The following PRUNE2 variants were observed in gnomAD, a reference collection of about 807,000 sequenced individuals.
PRUNE2 encodes protein prune homolog 2.
A neutral mutation model predicts 252.0 loss-of-function variants in PRUNE2; 164 were observed. The ratio of observed to expected loss-of-function variants is 0.65; its 90% CI spans 0.57 to 0.74. PRUNE2 has a LOEUF of 0.74. PRUNE2 is among the 30% of genes least tolerant of loss of function. The pLI is 0.00. For synonymous variants in PRUNE2, 1,292 were observed against 1,350.2 expected (o/e 0.96, Z 0.94); for missense variants, 3,495 against 3,711.0 (o/e 0.94, Z 1.51).
rs751464971 is a variant in PRUNE2 at position 76,613,486 on chromosome 9, T to C, written c.*1084A>G. On this transcript the variant is annotated 3_prime_UTR_variant, in exon 19 of 19. Transcript: ENST00000376718. ...TGTGTCATGAAATATTCAAAAAAAA[T>C]TTTTCCAACCCAAAATGTAAAAACC... 9 of 152,116 alleles carry C rather than the reference T, an allele frequency of 5.9e-5. No individual in the cohort carries two copies. The highest frequency in any genetic ancestry group is 1.2e-4 in the Non-Finnish European group (8 of 68,034). 9.4% of individuals were successfully genotyped at this position (152,116 alleles called of 1,614,324 possible).
chr9:76,680,596 A>G (rs2043316122), intron 9 of PRUNE2, among the ~76,000 whole-genome samples: 2 of 152,248 alleles, frequency 1.3e-5, no homozygotes, highest in South Asian at 4.1e-4. Context: ...GCACAACCAC[A>G]TTCATAGCAG....
Position 76,705,103 on chromosome 9 carries a change from G to A in PRUNE2, c.7171C>T (p.Pro2391Ser). 6.2e-7 allele frequency: 1 copy of A among 1,614,012 alleles called. No homozygotes were observed. The highest frequency in any genetic ancestry group is 8.5e-7 in the Non-Finnish European group (1 of 1,179,898). ...EEDSLKQSLA[P>S]YTPPFDLSYL... ...GACAAATCAAAGGGAGGTGTGTACG[G>A]TGCCAGCGACTGCTTCAGAGAATCT... The change falls in exon 8 of 19, where the codon CCG becomes TCG. Residue 2391 changes from proline (P) to serine (S), a missense_variant. Pro to Ser is a moderately conservative substitution (Grantham distance 74, BLOSUM62 -1). Transcript: ENST00000376718.
chr9:76,645,969 C>A (rs1379516975), intron 11 of PRUNE2, among the ~76,000 whole-genome samples: 1 of 152,180 alleles, frequency 6.6e-6, no homozygotes, highest in African/African-American at 2.4e-5. Context: ...TATTATTATA[C>A]CATTGGCATT....
intron 6 of PRUNE2, among the ~76,000 whole-genome samples, chr9:76,815,339 A>T (rs528854104): frequency 6.6e-6 from 1 of 152,244 alleles, no homozygotes; most frequent in Admixed American, 6.5e-5. Flanking sequence ...TGGGTAATGT[A>T]TAAGTAATAG....
chr9:76,813,183 G>C (rs1311677475), intron 6 of PRUNE2, among the ~76,000 whole-genome samples: 1 of 152,162 alleles, frequency 6.6e-6, no homozygotes, highest in Non-Finnish European at 1.5e-5. Flanking sequence ...CTACAAATCA[G>C]AGCTTGTTTT....
chr9:76,760,943 G>A (rs373978153), intron 6 of PRUNE2, among the ~76,000 whole-genome samples: 5 of 151,912 alleles, frequency 3.3e-5, no homozygotes, highest in Non-Finnish European at 5.9e-5. Flanking sequence ...AAAATTAGCC[G>A]GGTGCGGTGG....
chr9:76,843,103 A>T (rs1437429480), intron 4 of PRUNE2, among the ~76,000 whole-genome samples: 1 of 152,238 alleles, frequency 6.6e-6, no homozygotes, highest in Non-Finnish European at 1.5e-5. Flanking sequence ...GGATAAAGAA[A>T]ATGTGGCACA....
chr9:76,617,005 T>A (rs188100892), intron 18 of PRUNE2, among the ~76,000 whole-genome samples: 2 of 151,248 alleles, frequency 1.3e-5, no homozygotes, highest in East Asian at 3.9e-4. Flanking sequence ...AATAAAAGTA[T>A]CCTTTTTGGA....
At chr9:76,671,035 G>A (rs1460426086) in intron 9 of PRUNE2, among the ~76,000 whole-genome samples, 3 of 152,214 alleles carry the variant, frequency 2.0e-5, no homozygotes, top group Non-Finnish European at 2.9e-5. Flanking sequence ...CACCTGCAAC[G>A]GAATAAAGCT....
intron 1 of PRUNE2, among the ~76,000 whole-genome samples, chr9:76,903,165 C>A (rs926569973): frequency 7.2e-5 from 11 of 152,174 alleles, no homozygotes; most frequent in African/African-American, 2.7e-4. Context: ...AAAAGACACA[C>A]AATTTTTCCA....
At position 76,666,244 on chromosome 9, in the gene PRUNE2, G is replaced by A. The variant is rs549419351; in HGVS notation, c.8277-10742C>T. 3.8e-4 allele frequency among the ~76,000 whole-genome samples: 58 copies of A among 152,232 alleles called. 1 individual carries two copies. Among genetic ancestry groups the A allele is most frequent in the Admixed American group, 2.7e-3 (42 of 15,282 alleles). ...GTGTCAGTGCCAAGGGAAAACACCC[G>A]CTACTTAGCAGACCTGGAAAGGGAG... On this transcript the variant is annotated intron_variant, in intron 9 of 18. Coordinates refer to ENST00000376718, the MANE Select transcript of PRUNE2 (RefSeq NM_015225.3).
chr9:76,711,046 T>C lies in PRUNE2; in HGVS notation c.1228A>G (p.Asn410Asp), dbSNP rs764770803. ...VNFIENPPDL[N>D]DSNQAQVDAN... ...TCCACCTGAGCCTGGTTAGAATCAT[T>C]GAGATCTGGAGGGTTCTCTATGAAA... The change falls in exon 8 of 19, where the codon AAT (asparagine) becomes GAT (aspartate). Residue 410 changes from asparagine to aspartate, a missense_variant. Asn to Asp is a conservative substitution (Grantham distance 23). Transcript: ENST00000376718. The C allele has an allele frequency of 6.2e-7, 1 of 1,613,812 alleles. No homozygotes were observed.
At chr9:76,905,537 G>A (rs2063437429) in intron 1 of PRUNE2, among the ~76,000 whole-genome samples, 1 of 152,132 alleles carries the variant, frequency 6.6e-6, no homozygotes, top group Non-Finnish European at 1.5e-5. Context: ...CAGTTCTAAG[G>A]GTCTCTTTTT....
rs12551198 is a variant in PRUNE2, at chr9:76,897,570, C to T, written c.36+8358G>A. ...CTGGGATTATAGATGCACACCACCA[C>T]GCCCAGTTAATTTTTTTGTATTTTT... On this transcript the variant is annotated intron_variant, in intron 1 of 18. Coordinates refer to ENST00000376718, the MANE Select transcript of PRUNE2 (RefSeq NM_015225.3). Among the ~76,000 whole-genome samples the T allele has an allele frequency of 1.0e-3, 158 of 151,890 alleles. 1 individual carries two copies. The highest frequency in any genetic ancestry group is 9.2e-3 in the Admixed American group (141 of 15,262).
At chr9:76,633,931 G>A (rs978716961) in intron 15 of PRUNE2, among the ~76,000 whole-genome samples, 2 of 152,070 alleles carry the variant, frequency 1.3e-5, no homozygotes, top group Non-Finnish European at 2.9e-5. Context: ...TGGACAACAT[G>A]AGACCCCATA....
chr9:76,687,627 CTGTT>C (rs1251704298), intron 9 of PRUNE2: 3 of 422,874 alleles, frequency 7.1e-6, no homozygotes, highest in South Asian at 1.7e-5. Context: ...CTGATACTCA[CTGTT>C]TGTTTCTCAG....
chr9:76,882,635 G>A (rs949457001), intron 1 of PRUNE2, among the ~76,000 whole-genome samples: 2 of 152,042 alleles, frequency 1.3e-5, no homozygotes, highest in African/African-American at 4.8e-5. Context: ...AGAGAGGGGA[G>A]GTGCTACAGA....
At position 76,709,210 on chromosome 9, in the gene PRUNE2, G is replaced by A. The variant is rs1368811944; in HGVS notation, c.3064C>T (p.Arg1022Ter). The A allele has an allele frequency of 3.9e-6, 4 of 1,017,386 alleles. No individual in the cohort carries two copies. The highest frequency in any genetic ancestry group is 2.4e-5 in the Admixed American group (1 of 41,894). 63.0% of individuals were successfully genotyped at this position (1,017,386 alleles called of 1,614,324 possible). A position where few individuals can be genotyped will look rare whatever the true frequency, so the allele number is the denominator to read the frequency against. ...PQSLQQSSRNRISSGPGNLDM... is the reference protein window; with the variant it reads ...PQSLQQSSRN The stretch of plus-strand genomic sequence containing the variant: ...AGGTTCCCAGGACCTGAACTGATTC[G>A]ATTTCGAGATGACTGTTGCAGTGAC... The change falls in exon 8 of 19, where the codon CGA (arginine) becomes TGA (stop). Residue 1022 changes from arginine (R) to a stop codon, truncating the protein, a stop_gained. Coordinates refer to ENST00000376718, the MANE Select transcript of PRUNE2 (RefSeq NM_015225.3). LOFTEE classifies it high-confidence loss of function.
Position 76,746,909 on chromosome 9 carries a change from T to C in PRUNE2, c.757-33188A>G, listed in dbSNP as rs2050175431. ...TCCACATCCTTTGTAGCGTCCTTTA[T>C]AATAAATGGGTAAATGTAAGTGTTT... On this transcript the variant is annotated intron_variant, in intron 6 of 18. Transcript: ENST00000376718. Among the ~76,000 whole-genome samples the C allele has an allele frequency of 3.3e-5, 5 of 152,276 alleles. No individual in the cohort carries two copies. In the South Asian group the frequency reaches 1.0e-3, roughly 32 times the overall value.
Sources: allele counts gnomAD v4.1 joint callset (sites outside exome capture counted in the v4.1 genomes callset), GRCh38; gene constraint gnomAD v4.1.1; transcripts MANE v1.5; gene names NCBI Gene and HGNC (gene_info 2026-07-23, HGNC 2026-07-21).